NYAP2: variants seen among roughly 807,000 people sequenced by gnomAD.
NYAP2 encodes the protein neuronal tyrosine-phosphorylated phosphoinositide-3-kinase adaptor 2.
Under a neutral mutation model 50.4 loss-of-function variants are expected in NYAP2, and 23 were observed. The ratio of observed to expected loss-of-function variants is 0.46; its 90% CI spans 0.33 to 0.65. The LOEUF (loss-of-function observed/expected upper bound fraction) is 0.65. Among genes scored for constraint, NYAP2 ranks in the 30% least tolerant of loss-of-function variants. NYAP2 has a pLI of 0.02. For missense variants in NYAP2, 885 were observed against 861.0 expected (o/e 1.03, Z -0.35); for synonymous variants, 394 against 365.2 (o/e 1.08, Z -0.90).
At position 225,646,403 on chromosome 2, in the gene NYAP2, T is replaced by C. The variant is rs148118277; in HGVS notation, c.1829-5029T>C. Among the ~76,000 whole-genome samples, 643 of 152,196 alleles carry C rather than the reference T, an allele frequency of 4.2e-3. 6 individuals are homozygous for C. Among genetic ancestry groups the C allele is most frequent in the African/African-American group, 0.014 (574 of 41,548 alleles). On this transcript the variant is annotated intron_variant, in intron 6 of 6. Transcript: ENST00000636099. The stretch of plus-strand genomic sequence containing the variant: ...CCCATCTCTACTAAAAATACAAAAT[T>C]AGCCAGGCGTGGTGACGCCTGCCTG...
intron 5 of NYAP2, among the ~76,000 whole-genome samples, chr2:225,599,866 T>C (rs182892925): frequency 3.2e-4 from 49 of 152,336 alleles, no homozygotes; most frequent in Non-Finnish European, 5.1e-4. Context: ...ATTTTTATTA[T>C]AAAATATATA....
At chr2:225,524,551 C>A (rs1691119813) in intron 4 of NYAP2, among the ~76,000 whole-genome samples, 6 of 152,050 alleles carry the variant, frequency 3.9e-5, no homozygotes, top group Admixed American at 3.9e-4. Flanking sequence ...TCAGTATTAA[C>A]CATCACAAAG....
the NYAP2 span, among the ~76,000 whole-genome samples, chr2:225,697,106 G>C: frequency 4.6e-5 from 7 of 151,886 alleles, no homozygotes; most frequent in Admixed American, 6.6e-5. Flanking sequence ...ACCTAGCTGA[G>C]CTCATGGGCC....
chr2:225,481,302 T>G (rs1182540824), intron 3 of NYAP2, among the ~76,000 whole-genome samples: 1 of 152,122 alleles, frequency 6.6e-6, no homozygotes, highest in Non-Finnish European at 1.5e-5. Context: ...AATGGTCAAA[T>G]TATAATAATA....
intron 5 of NYAP2, among the ~76,000 whole-genome samples, chr2:225,626,664 A>G (rs991948501): frequency 2.6e-5 from 4 of 152,176 alleles, no homozygotes; most frequent in Non-Finnish European, 4.4e-5. Context: ...CCAAGGGAAG[A>G]GTTACTAAAG....
intron 3 of NYAP2, among the ~76,000 whole-genome samples, chr2:225,424,464 A>G (rs970668176): frequency 5.3e-5 from 8 of 152,022 alleles, no homozygotes; most frequent in Non-Finnish European, 1.0e-4. Flanking sequence ...TAGAAATTTT[A>G]AATTTTTTTT....
At chr2:225,687,549 A>C in the NYAP2 span, among the ~76,000 whole-genome samples, 1 of 152,198 alleles carries the variant, frequency 6.6e-6, no homozygotes, top group Non-Finnish European at 1.5e-5. Context: ...ATTGACACAT[A>C]TATTCTTTAA....
intron 4 of NYAP2, among the ~76,000 whole-genome samples, chr2:225,578,757 A>G (rs1261924436): frequency 6.6e-6 from 1 of 152,210 alleles, no homozygotes; most frequent in East Asian, 1.9e-4. Context: ...AATGTTTTCC[A>G]GTGCCAGAGG....
chr2:225,621,491 C>T (rs1315224438), intron 5 of NYAP2, among the ~76,000 whole-genome samples: 4 of 151,976 alleles, frequency 2.6e-5, no homozygotes, highest in African/African-American at 4.8e-5. Flanking sequence ...AAATGAGGAG[C>T]TGTTATTAAG....
Position 225,582,304 on chromosome 2 carries a change from G to C in NYAP2, c.887G>C (p.Cys296Ser), listed in dbSNP as rs905435876. The C allele has an allele frequency of 1.2e-6, 2 of 1,613,900 alleles. No homozygotes were observed. Among genetic ancestry groups the C allele is most frequent in the African/African-American group, 2.7e-5 (2 of 74,942 alleles). The change falls in exon 5 of 7, where the codon TGT becomes TCT. Residue 296 changes from cysteine to serine, a missense_variant. Transcript: ENST00000636099. The surrounding 1 kb of genome is among the most constrained non-coding windows in gnomAD (Gnocchi z 7.0). ...GACCATCACAGCTGTTCTTCGCAGT[G>C]TGCTACTCCCACGGTGCCTGACTTG...
chr2:225,425,068 T>A lies in NYAP2; in HGVS notation c.221+15967T>A, dbSNP rs75306163. Among the ~76,000 whole-genome samples the A allele has an allele frequency of 3.6e-3, 554 of 152,100 alleles. 6 individuals are homozygous for A. The highest frequency in any genetic ancestry group is 0.012 in the African/African-American group (497 of 41,496). ...CTCAACTATAGAAACTTATTTTTTTTAAAAAAAGAAATAGAGCTTTCAGAA... is the reference window on the plus strand; with the variant it reads ...CTCAACTATAGAAACTTATTTTTTTAAAAAAAAGAAATAGAGCTTTCAGAA... On this transcript the variant is annotated intron_variant, in intron 3 of 6. Coordinates refer to ENST00000636099, the Ensembl canonical transcript of NYAP2.
intron 3 of NYAP2, among the ~76,000 whole-genome samples, chr2:225,466,105 C>T (rs917852984): frequency 6.6e-5 from 10 of 152,174 alleles, no homozygotes; most frequent in Admixed American, 2.6e-4. Flanking sequence ...TGGAGAAGCC[C>T]GATCTCTTTT....
At chr2:225,476,823 G>GAATATAAT in intron 3 of NYAP2, among the ~76,000 whole-genome samples, 1 of 152,062 alleles carries the variant, frequency 6.6e-6, no homozygotes, top group Non-Finnish European at 1.5e-5. Context: ...ATAGTAAAAT[G>GAATATAAT]AATATAATAA....
intron 3 of NYAP2, among the ~76,000 whole-genome samples, chr2:225,455,675 G>T (rs1289255646): frequency 6.6e-6 from 1 of 152,166 alleles, no homozygotes; most frequent in Non-Finnish European, 1.5e-5. Flanking sequence ...AAATGGATGT[G>T]TTATGAAGAA....
chr2:225,401,823 C>A (rs1419355983), intron 2 of NYAP2, among the ~76,000 whole-genome samples: 2 of 151,834 alleles, frequency 1.3e-5, no homozygotes, highest in Middle Eastern at 3.4e-3. Context: ...TCTTTTGGTA[C>A]CATAGAATTG....
intron 3 of NYAP2, among the ~76,000 whole-genome samples, chr2:225,489,837 A>G (rs941203486): frequency 6.6e-6 from 1 of 152,158 alleles, no homozygotes; most frequent in Non-Finnish European, 1.5e-5. Context: ...CCCAGATCAA[A>G]TAATAGATAT....
chr2:225,487,817 A>G (rs1690330871), intron 3 of NYAP2, among the ~76,000 whole-genome samples: 1 of 152,160 alleles, frequency 6.6e-6, no homozygotes, highest in South Asian at 2.1e-4. Context: ...CCCCTTTCTG[A>G]TATCCTCCAC....
At chr2:225,589,469 T>A (rs1379942121) in intron 5 of NYAP2, among the ~76,000 whole-genome samples, 1 of 143,312 alleles carries the variant, frequency 7.0e-6, no homozygotes, top group Non-Finnish European at 1.5e-5. Context: ...CAGGATATCA[T>A]GAACAGCCTG....
At chr2:225,665,757 TGAG>T in the NYAP2 span, among the ~76,000 whole-genome samples, 1 of 131,140 alleles carries the variant, frequency 7.6e-6, no homozygotes, top group Non-Finnish European at 1.5e-5. Context: ...TGCAGTGAGC[TGAG>T]ATTGTGCCAT....
Sources: allele counts gnomAD v4.1 joint callset (sites outside exome capture counted in the v4.1 genomes callset), GRCh38; gene constraint gnomAD v4.1.1; non-coding constraint Gnocchi (gnomAD v3.1); transcripts MANE v1.5; gene names NCBI Gene and HGNC (gene_info 2026-07-23, HGNC 2026-07-21).